Variants in AP3S2 observed in about 807,000 individuals in gnomAD.
AP3S2 encodes AP-3 complex subunit sigma-2.
A neutral mutation model predicts 23.4 loss-of-function variants in AP3S2; 22 were observed. That is an observed-to-expected ratio of 0.94 (90% CI 0.67 to 1.34). AP3S2 has a LOEUF of 1.34. AP3S2 is among the 40% of genes most tolerant of loss of function. AP3S2 has a pLI of 0.00. For synonymous variants in AP3S2, 86 were observed against 87.1 expected (o/e 0.99, Z 0.07); for missense variants, 241 against 236.9 (o/e 1.02, Z -0.11).
At position 89,863,817 on chromosome 15, in the gene AP3S2, C is replaced by T. The variant is rs545836439; in HGVS notation, c.345+7658G>A. Reference sequence around the variant, plus strand: ...GAAGAGATTCTTTAGTTAAAAAGAACAGAGTTCAAGGTGATGTTCCTATTG... The same window carrying T: ...GAAGAGATTCTTTAGTTAAAAAGAATAGAGTTCAAGGTGATGTTCCTATTG... On this transcript the variant is annotated intron_variant, in intron 4 of 5. Transcript: ENST00000336418. Among the ~76,000 whole-genome samples the T allele has an allele frequency of 5.9e-5, 9 of 152,274 alleles. No individual in the cohort carries two copies. The South Asian group carries it at 1.9e-3, about 32-fold the overall frequency.
At chr15:89,874,481 G>A (rs927701942) in intron 3 of AP3S2, among the ~76,000 whole-genome samples, 3 of 152,128 alleles carry the variant, frequency 2.0e-5, no homozygotes, top group Non-Finnish European at 4.4e-5. Context: ...AACTAAAATA[G>A]TATAATACTA....
At chr15:89,891,800 A>G (rs1896827495) in intron 1 of AP3S2, among the ~76,000 whole-genome samples, 1 of 152,238 alleles carries the variant, frequency 6.6e-6, no homozygotes, top group Admixed American at 6.5e-5. Context: ...AAAATGGTGC[A>G]GCCACTTGGA....
chr15:89,893,856 C>T (rs1896877052), intron 1 of AP3S2, 25 bp downstream of exon 1: 2 of 1,551,260 alleles, frequency 1.3e-6, no homozygotes, highest in African/African-American at 1.4e-5. Flanking sequence ...CCTGAAGGGG[C>T]GTGGTGAAGC....
intron 4 of AP3S2, among the ~76,000 whole-genome samples, chr15:89,840,099 T>C (rs1431542440): frequency 1.3e-5 from 2 of 152,182 alleles, no homozygotes; most frequent in Admixed American, 1.3e-4. Context: ...ACAGAGGTGC[T>C]GTTTTGCAAG....
intron 3 of AP3S2, among the ~76,000 whole-genome samples, chr15:89,884,721 C>T (rs1322563060): frequency 1.3e-5 from 2 of 151,316 alleles, no homozygotes; most frequent in Non-Finnish European, 2.9e-5. Flanking sequence ...AATCTCGGCT[C>T]ACTGCAACCT....
intron 4 of AP3S2, among the ~76,000 whole-genome samples, chr15:89,841,375 C>T (rs1368298659): frequency 6.6e-6 from 1 of 152,198 alleles, no homozygotes; most frequent in East Asian, 1.9e-4. Context: ...CAGGCAGGGA[C>T]TCCTTTGCTT....
intron 4 of AP3S2, among the ~76,000 whole-genome samples, chr15:89,857,840 C>T (rs976495948): frequency 6.6e-6 from 1 of 152,126 alleles, no homozygotes; most frequent in African/African-American, 2.4e-5. Flanking sequence ...GGATCATTTC[C>T]CCATCCCTTG....
intron 4 of AP3S2, among the ~76,000 whole-genome samples, chr15:89,868,365 C>A (rs1242347865): frequency 1.1e-5 from 1 of 88,242 alleles, no homozygotes. Context: ...CCCGCCCGGC[C>A]AGCCGCCCTG....
intron 4 of AP3S2, among the ~76,000 whole-genome samples, chr15:89,866,629 G>A (rs1332555282): frequency 1.3e-5 from 2 of 151,866 alleles, no homozygotes; most frequent in East Asian, 3.9e-4. Flanking sequence ...GGAATTATAG[G>A]CATGCACCAC....
At chr15:89,864,061 T>G (rs1035790539) in intron 4 of AP3S2, among the ~76,000 whole-genome samples, 1 of 152,174 alleles carries the variant, frequency 6.6e-6, no homozygotes, top group Non-Finnish European at 1.5e-5. Context: ...TCTCAGGAGA[T>G]ATGAACAGTT....
intron 3 of AP3S2, 137 bp downstream of exon 3, chr15:89,888,384 G>C: frequency 1.4e-6 from 1 of 728,238 alleles, no homozygotes; most frequent in Non-Finnish European, 2.2e-6. Flanking sequence ...AGCTCTCCCA[G>C]AGCACCATCT....
At chr15:89,869,439 G>C (rs1325514743) in intron 4 of AP3S2, among the ~76,000 whole-genome samples, 2 of 147,090 alleles carry the variant, frequency 1.4e-5, no homozygotes, top group African/African-American at 5.1e-5. Flanking sequence ...ACTGCGGAAG[G>C]CCGCAGGGTC....
At chr15:89,862,909 T>A (rs1896038012) in intron 4 of AP3S2, among the ~76,000 whole-genome samples, 2 of 152,176 alleles carry the variant, frequency 1.3e-5, no homozygotes, top group Admixed American at 1.3e-4. Context: ...AATTTTTTTT[T>A]AAATACCCAA....
At chr15:89,883,535 A>G (rs1896622260) in intron 3 of AP3S2, among the ~76,000 whole-genome samples, 1 of 151,922 alleles carries the variant, frequency 6.6e-6, no homozygotes, top group South Asian at 2.1e-4. Context: ...AGCTGGGACC[A>G]CAGGGGCACA....
intron 4 of AP3S2, among the ~76,000 whole-genome samples, chr15:89,846,652 G>C (rs1438325724): frequency 6.6e-6 from 1 of 151,548 alleles, no homozygotes; most frequent in South Asian, 2.1e-4. Flanking sequence ...TCAGCCTCCC[G>C]AGTAGCTGGG....
intron 2 of AP3S2, 110 bp from the exon 3 acceptor site, chr15:89,888,742 G>A (rs755824536): frequency 5.2e-5 from 62 of 1,202,526 alleles, no homozygotes; most frequent in East Asian, 2.5e-4. Context: ...AAGGCCAAAC[G>A]CTAGAAGCAG....
At position 89,893,939 on chromosome 15, in the gene AP3S2, G is replaced by T. The variant is rs1348352571; in HGVS notation, c.11C>A (p.Ala4Glu). The change falls in exon 1 of 6, where the codon GCG becomes GAG. Residue 4 changes from alanine to glutamate, a missense_variant. Physicochemically the swap from Ala to Glu is moderately radical, Grantham distance 107. Coordinates refer to ENST00000336418, the MANE Select transcript of AP3S2 (RefSeq NM_005829.5). ...CCCATGGTTGTTGAAAACCAGAATCGCCTGAATCATCTTTGCCAGCCACGG... is the reference window on the plus strand; with the variant it reads ...CCCATGGTTGTTGAAAACCAGAATCTCCTGAATCATCTTTGCCAGCCACGG... MIQ[A>E]ILVFNNHGKP... 1.3e-6 allele frequency: 2 copies of T among 1,551,536 alleles called. No individual in the cohort carries two copies. Among genetic ancestry groups the T allele is most frequent in the Non-Finnish European group, 1.7e-6 (2 of 1,146,970 alleles).
At chr15:89,870,348 ATACTGGAAGCCC>A (rs1896289380) in intron 4 of AP3S2, among the ~76,000 whole-genome samples, 1 of 152,232 alleles carries the variant, frequency 6.6e-6, no homozygotes, top group African/African-American at 2.4e-5. Context: ...GCATCAGTAA[ATACTGGAAGCCC>A]CGTGAGGTTG....
intron 4 of AP3S2, among the ~76,000 whole-genome samples, chr15:89,868,114 T>TG (rs1244892094): frequency 5.3e-5 from 5 of 95,122 alleles, no homozygotes; most frequent in Admixed American, 1.9e-4. Flanking sequence ...GGGAGGGAGA[T>TG]GGGGGGGTCA....
Sources: allele counts gnomAD v4.1 joint callset (sites outside exome capture counted in the v4.1 genomes callset), GRCh38; gene constraint gnomAD v4.1.1; transcripts MANE v1.5; gene names NCBI Gene and HGNC (gene_info 2026-07-23, HGNC 2026-07-21).